CCSER2: variants seen among roughly 807,000 people sequenced by gnomAD.
The protein encoded by CCSER2 is serine-rich coiled-coil domain-containing protein 2.
Under a neutral mutation model 92.3 loss-of-function variants are expected in CCSER2, and 46 were observed. That is an observed-to-expected ratio of 0.50 (90% CI 0.39 to 0.64). The LOEUF (loss-of-function observed/expected upper bound fraction) is 0.64. Ranked by LOEUF, CCSER2 falls within the 30% of genes least tolerant of loss-of-function variation. The pLI, the probability that CCSER2 is intolerant of heterozygous loss-of-function variation, is 0.00. For missense variants in CCSER2, 1,244 were observed against 1,238.9 expected (o/e 1.00, Z -0.06); for synonymous variants, 433 against 431.4 (o/e 1.00, Z -0.04).
At chr10:84,348,975 T>TA (rs970955870) in intron 1 of CCSER2, among the ~76,000 whole-genome samples, 30 of 151,624 alleles carry the variant, frequency 2.0e-4, no homozygotes, top group African/African-American at 3.4e-4. Context: ...CATAGGGATT[T>TA]AAAAAAAAAT....
At chr10:84,483,759 A>G (rs937260519) in intron 9 of CCSER2, among the ~76,000 whole-genome samples, 8 of 149,398 alleles carry the variant, frequency 5.4e-5, no homozygotes, top group Non-Finnish European at 7.4e-5. Context: ...GTTAATTTTT[A>G]TGTTGGAAAA....
chr10:84,385,146 G>T (rs1280682258), intron 3 of CCSER2, among the ~76,000 whole-genome samples: 1 of 151,964 alleles, frequency 6.6e-6, no homozygotes, highest in Non-Finnish European at 1.5e-5. Flanking sequence ...CATTCTTATG[G>T]ATTAGAAGAA....
intron 1 of CCSER2, among the ~76,000 whole-genome samples, chr10:84,368,692 A>G (rs1845910944): frequency 6.6e-6 from 1 of 152,102 alleles, no homozygotes; most frequent in Admixed American, 6.6e-5. Context: ...CTTTTATTTC[A>G]CTGGCTTTAA....
intron 5 of CCSER2, among the ~76,000 whole-genome samples, chr10:84,430,913 G>A (rs1843727437): frequency 6.6e-6 from 1 of 152,110 alleles, no homozygotes; most frequent in African/African-American, 2.4e-5. Flanking sequence ...TTCTGGCAGT[G>A]TTTCTCTTCA....
At chr10:84,448,126 C>T (rs1307827345) in intron 6 of CCSER2, among the ~76,000 whole-genome samples, 2 of 152,072 alleles carry the variant, frequency 1.3e-5, no homozygotes, top group African/African-American at 4.8e-5. Flanking sequence ...CTCTGCTTGG[C>T]CTGACACTGC....
intron 9 of CCSER2, among the ~76,000 whole-genome samples, chr10:84,489,859 T>C (rs920751718): frequency 6.6e-6 from 1 of 152,202 alleles, no homozygotes; most frequent in Non-Finnish European, 1.5e-5. Flanking sequence ...ATTTGGCATG[T>C]TTTTGCAGTG....
intron 8 of CCSER2, among the ~76,000 whole-genome samples, chr10:84,474,758 G>C (rs1466426943): frequency 1.3e-5 from 2 of 151,734 alleles, no homozygotes; most frequent in Admixed American, 6.6e-5. Context: ...CTTAATGCCT[G>C]GTCCATGGAT....
At chr10:84,457,675 TTATATA>T (rs1313477280) in intron 6 of CCSER2, among the ~76,000 whole-genome samples, 3 of 128,430 alleles carry the variant, frequency 2.3e-5, no homozygotes, top group African/African-American at 8.7e-5. Flanking sequence ...ATTTTAGTTA[TTATATA>T]AATTATATAT....
intron 9 of CCSER2, among the ~76,000 whole-genome samples, chr10:84,487,145 A>C (rs966357115): frequency 1.3e-5 from 2 of 152,192 alleles, no homozygotes; most frequent in Non-Finnish European, 2.9e-5. Context: ...TGGTTACTGT[A>C]GCCTTGTAGT....
intron 1 of CCSER2, among the ~76,000 whole-genome samples, chr10:84,335,223 TC>T (rs1271220935): frequency 4.5e-5 from 5 of 111,990 alleles, no homozygotes; most frequent in Non-Finnish European, 9.2e-5. Flanking sequence ...TACTTCTCTC[TC>T]TCTCTTTTTT....
chr10:84,464,654 C>G (rs1465815028), intron 7 of CCSER2, among the ~76,000 whole-genome samples: 2 of 152,100 alleles, frequency 1.3e-5, no homozygotes, highest in African/African-American at 2.4e-5. Context: ...GCAATGGTGG[C>G]TTATAATAAT....
intron 9 of CCSER2, among the ~76,000 whole-genome samples, chr10:84,492,637 T>A (rs1848237091): frequency 6.6e-6 from 1 of 152,238 alleles, no homozygotes; most frequent in Non-Finnish European, 1.5e-5. Flanking sequence ...GTTGAAGTAG[T>A]TTCCCTCTAT....
rs1564684616 is a variant in CCSER2, at chr10:84,457,278, ATT to A, written c.2065-6654_2065-6653del. Among the ~76,000 whole-genome samples, 13 of 2,228 alleles carry A rather than the reference ATT, an allele frequency of 5.8e-3. 1 individual carries two copies. The highest frequency in any genetic ancestry group is 0.016 in the African/African-American group (11 of 704). 1.5% of individuals were successfully genotyped at this position (2,228 alleles called of 152,430 possible). ...ATATAAAATATATTATATATAATAT[ATT>A]ATATATTATATATTATATATAATAT... On this transcript the variant is annotated intron_variant, in intron 6 of 9. Coordinates refer to ENST00000372088, the MANE Select transcript of CCSER2 (RefSeq NM_001284240.2).
chr10:84,504,520 G>A (rs1018095050), intron 9 of CCSER2, among the ~76,000 whole-genome samples: 1 of 152,096 alleles, frequency 6.6e-6, no homozygotes, highest in African/African-American at 2.4e-5. Context: ...TCTCAGTTTA[G>A]TAATTCACTG....
chr10:84,396,784 G>A (rs1292955608), intron 3 of CCSER2, among the ~76,000 whole-genome samples: 2 of 152,028 alleles, frequency 1.3e-5, no homozygotes, highest in African/African-American at 2.4e-5. Context: ...TGATCGACCC[G>A]TCTTGGCCTT....
At chr10:84,447,459 T>C (rs1844995902) in intron 6 of CCSER2, among the ~76,000 whole-genome samples, 1 of 152,240 alleles carries the variant, frequency 6.6e-6, no homozygotes, top group Admixed American at 6.5e-5. Flanking sequence ...GTTAGTTATA[T>C]GTGTTGCAAA....
chr10:84,338,305 A>G (rs371239008), intron 1 of CCSER2, among the ~76,000 whole-genome samples: 4 of 29,092 alleles, frequency 1.4e-4, no homozygotes, highest in Non-Finnish European at 2.5e-4. Flanking sequence ...AAAAAAAAAA[A>G]CAAAAAAAAA....
chr10:84,421,416 G>C (rs935064768), intron 4 of CCSER2, among the ~76,000 whole-genome samples: 7 of 152,132 alleles, frequency 4.6e-5, no homozygotes, highest in African/African-American at 1.7e-4. Flanking sequence ...AGTCATGCTG[G>C]AAGGGGGAGC....
intron 8 of CCSER2, among the ~76,000 whole-genome samples, chr10:84,473,859 A>G (rs1846968132): frequency 6.6e-6 from 1 of 152,164 alleles, no homozygotes; most frequent in Non-Finnish European, 1.5e-5. Flanking sequence ...AGGTTTTTCT[A>G]GGTGATTTCC....
Sources: gnomAD v4.1 joint callset for allele counts (sites outside exome capture counted in the v4.1 genomes callset) on GRCh38, gnomAD v4.1.1 for gene constraint, MANE v1.5 for transcripts, NCBI Gene and HGNC (gene_info 2026-07-23, HGNC 2026-07-21) for gene names.